The following SBF2 variants were observed in gnomAD, a reference collection of about 807,000 sequenced individuals.
The protein encoded by SBF2 is SET binding factor 2, also known as myotubularin-related protein 13.
Under a neutral mutation model 225.2 loss-of-function variants are expected in SBF2, and 112 were observed. The observed-to-expected ratio is 0.50, with a 90% confidence interval of 0.43 to 0.58. The LOEUF (loss-of-function observed/expected upper bound fraction) is 0.58. Ranked by LOEUF, SBF2 falls within the 20% of genes least tolerant of loss-of-function variation. The pLI is 0.00. For synonymous variants in SBF2, 763 were observed against 773.3 expected (o/e 0.99, Z 0.22); for missense variants, 1,996 against 2,206.2 (o/e 0.90, Z 1.91).
intron 34 of SBF2, 91 bp downstream of exon 34, chr11:9,790,464 TA>T: frequency 8.8e-7 from 1 of 1,142,356 alleles, no homozygotes. Context: ...CCAATGTTTA[TA>T]AAAAGCTTAA....
Position 10,025,767 on chromosome 11 carries a change from TG to T in SBF2, c.619+2684del, listed in dbSNP as rs536875452. On this transcript the variant is annotated intron_variant, in intron 6 of 39. Coordinates refer to ENST00000256190, the MANE Select transcript of SBF2 (RefSeq NM_030962.4). ...GGCACCTGCCACCATGCTCCGCTAC[TG>T]TTTTCTATTTTTAGTAGAGATGGGG... 1.9e-3 allele frequency among the ~76,000 whole-genome samples: 287 copies of T among 152,146 alleles called. 1 individual carries two copies. Among genetic ancestry groups the T allele is most frequent in the Non-Finnish European group, 3.4e-3 (231 of 67,986 alleles).
intron 2 of SBF2, among the ~76,000 whole-genome samples, chr11:10,084,271 C>T (rs1260078844): frequency 2.6e-5 from 4 of 151,618 alleles, no homozygotes; most frequent in Non-Finnish European, 1.5e-5. Context: ...GTGCAAAAGA[C>T]ATGAACAGGC....
intron 6 of SBF2, among the ~76,000 whole-genome samples, chr11:10,005,953 T>C (rs1429018180): frequency 6.6e-6 from 1 of 152,132 alleles, no homozygotes; most frequent in African/African-American, 2.4e-5. Context: ...CTTGGAGTCC[T>C]TCCCAGGTAA....
intron 18 of SBF2, 65 bp from the exon 19 acceptor site, chr11:9,856,785 ATTTTTTT>A: frequency 4.8e-6 from 5 of 1,042,472 alleles, no homozygotes; most frequent in South Asian, 3.0e-5. Context: ...AAAAACATAG[ATTTTTTT>A]TTTTTTTTTT....
intron 1 of SBF2, among the ~76,000 whole-genome samples, chr11:10,209,383 C>T (rs1337256552): frequency 1.3e-5 from 2 of 151,836 alleles, no homozygotes; most frequent in Non-Finnish European, 2.9e-5. Context: ...ATCTACAGCA[C>T]AGATAATCCA....
intron 1 of SBF2, among the ~76,000 whole-genome samples, chr11:10,286,406 CG>C (rs1198708211): frequency 3.0e-4 from 12 of 39,640 alleles, no homozygotes; most frequent in East Asian, 9.0e-4. Context: ...TGCAGTTGTG[CG>C]ATCTCGGCTC....
chr11:10,258,552 C>T (rs991885405), intron 1 of SBF2, among the ~76,000 whole-genome samples: 1 of 152,156 alleles, frequency 6.6e-6, no homozygotes, highest in Non-Finnish European at 1.5e-5. Flanking sequence ...AAAAATTTCA[C>T]ATGACCATCT....
intron 16 of SBF2, among the ~76,000 whole-genome samples, chr11:9,953,214 G>A (rs1865963126): frequency 6.6e-6 from 1 of 152,204 alleles, no homozygotes. Context: ...GGGAGGCTGA[G>A]ACAGGTGGAT....
rs568363161 is a variant in SBF2, at chr11:10,272,269, G to A, written c.55+21746C>T. On this transcript the variant is annotated intron_variant, in intron 1 of 39. Transcript: ENST00000256190. Reference sequence around the variant, plus strand: ...TAGCCCCGGAGGACATGGCGGCGGCGCTGGGCTCCTAGGGGCTGCAGCAAT... The same window carrying A: ...TAGCCCCGGAGGACATGGCGGCGGCACTGGGCTCCTAGGGGCTGCAGCAAT... The A allele has an allele frequency of 8.0e-6, 9 of 1,128,432 alleles. 4 individuals are homozygous for A. Among genetic ancestry groups the A allele is most frequent in the East Asian group, 2.7e-5 (1 of 36,574 alleles). The allele number at this position is 1,128,432 out of a possible 1,614,324, so 69.9% of individuals were successfully genotyped here.
At chr11:10,029,640 T>G (rs945798441) in intron 5 of SBF2, 125 bp downstream of exon 5, 1 of 769,502 alleles carries the variant, frequency 1.3e-6, no homozygotes, top group Admixed American at 1.8e-5. Flanking sequence ...TTAACTAAAG[T>G]AGGATCTTCC....
At chr11:10,026,789 T>A (rs934959642) in intron 6 of SBF2, among the ~76,000 whole-genome samples, 1 of 152,016 alleles carries the variant, frequency 6.6e-6, no homozygotes, top group Non-Finnish European at 1.5e-5. Context: ...GAGAATGTAA[T>A]CAACAAGATG....
At chr11:9,989,928 C>T (rs1054950308) in intron 12 of SBF2, among the ~76,000 whole-genome samples, 2 of 152,132 alleles carry the variant, frequency 1.3e-5, no homozygotes, top group African/African-American at 4.8e-5. Context: ...CCTTAACTCA[C>T]AAAACATGAA....
At chr11:10,230,981 C>T (rs2135433550) in intron 1 of SBF2, among the ~76,000 whole-genome samples, 1 of 152,202 alleles carries the variant, frequency 6.6e-6, no homozygotes, top group East Asian at 1.9e-4. Context: ...TCACATAGTC[C>T]CTTATTTCTT....
At chr11:9,789,501 A>T (rs1029607281) in intron 34 of SBF2, among the ~76,000 whole-genome samples, 159 bp from the exon 35 acceptor site, 5 of 152,208 alleles carry the variant, frequency 3.3e-5, no homozygotes, top group Non-Finnish European at 7.3e-5. Flanking sequence ...ACATCAAGAT[A>T]AATTATTAAA....
At chr11:9,932,982 A>C (rs1212411479) in intron 16 of SBF2, among the ~76,000 whole-genome samples, 3 of 150,722 alleles carry the variant, frequency 2.0e-5, no homozygotes, top group Non-Finnish European at 3.0e-5. Flanking sequence ...AAAAAAAAAA[A>C]AAAAACAGGT....
At chr11:10,132,251 G>T (rs889191397) in intron 2 of SBF2, among the ~76,000 whole-genome samples, 1 of 152,102 alleles carries the variant, frequency 6.6e-6, no homozygotes, top group African/African-American at 2.4e-5. Context: ...ATATATATTT[G>T]GTTTCTGCCC....
At chr11:10,285,897 T>C (rs1009451988) in intron 1 of SBF2, among the ~76,000 whole-genome samples, 3 of 152,100 alleles carry the variant, frequency 2.0e-5, no homozygotes, top group Admixed American at 6.6e-5. Context: ...TCAGACACTT[T>C]ACAAAAAAAT....
chr11:9,863,024 A>T (rs1176775938), intron 17 of SBF2, among the ~76,000 whole-genome samples: 2 of 152,220 alleles, frequency 1.3e-5, no homozygotes, highest in East Asian at 1.9e-4. Flanking sequence ...CCTAAAAAAA[A>T]AAGTGGTATT....
At chr11:10,258,967 G>A (rs1030345162) in intron 1 of SBF2, among the ~76,000 whole-genome samples, 7 of 152,146 alleles carry the variant, frequency 4.6e-5, no homozygotes, top group African/African-American at 7.2e-5. Flanking sequence ...AACAGAGAAG[G>A]CATAGAGAAA....
Sources: allele counts gnomAD v4.1 joint callset (sites outside exome capture counted in the v4.1 genomes callset), GRCh38; gene constraint gnomAD v4.1.1; transcripts MANE v1.5; gene names NCBI Gene and HGNC (gene_info 2026-07-23, HGNC 2026-07-21).